Variants in PIAS2 observed in about 807,000 individuals in gnomAD.
The protein encoded by PIAS2 is protein inhibitor of activated STAT 2.
In PIAS2, 19 loss-of-function variants were observed where a neutral mutation model predicts 69.7. That is an observed-to-expected ratio of 0.27 (90% CI 0.19 to 0.40). The LOEUF (loss-of-function observed/expected upper bound fraction) is 0.40. Ranked by LOEUF, PIAS2 falls within the 10% of genes least tolerant of loss-of-function variation. The pLI, the probability that PIAS2 is intolerant of heterozygous loss-of-function variation, is 1.00. For missense variants in PIAS2, 624 were observed against 757.0 expected (o/e 0.82, Z 2.06); for synonymous variants, 261 against 263.2 (o/e 0.99, Z 0.08).
intron 2 of PIAS2, among the ~76,000 whole-genome samples, chr18:46,885,505 T>C (rs1294945541): frequency 6.8e-6 from 1 of 148,020 alleles, no homozygotes; most frequent in African/African-American, 2.5e-5. Flanking sequence ...CTGGTGACAG[T>C]GCAAGACTCC....
At position 46,810,231 on chromosome 18, in the gene PIAS2, G is replaced by C. The variant is rs754660532; in HGVS notation, c.*2202C>G. The stretch of plus-strand genomic sequence containing the variant: ...CAAATCACAATTATAAAAGCACAGA[G>C]ATATCAGTTATAAGAACCAAGTAAA... On this transcript the variant is annotated 3_prime_UTR_variant, in exon 14 of 14. Transcript: ENST00000585916. 2.0e-4 allele frequency: 30 copies of C among 151,404 alleles called. No individual in the cohort carries two copies. The highest frequency in any genetic ancestry group is 3.5e-4 in the Non-Finnish European group (24 of 67,910). 9.4% of individuals were successfully genotyped at this position (151,404 alleles called of 1,614,324 possible).
At chr18:46,879,213 G>A (rs912341212) in intron 2 of PIAS2, among the ~76,000 whole-genome samples, 2 of 152,074 alleles carry the variant, frequency 1.3e-5, no homozygotes, top group South Asian at 2.1e-4. Flanking sequence ...AAACTCAACA[G>A]CTAAAAACAA....
In PIAS2 at chr18:46,890,829, T is replaced by G; in HGVS notation, c.250A>C (p.Ser84Arg). The change falls in exon 2 of 14, where the codon AGT becomes CGT. Residue 84 changes from serine to arginine, a missense_variant. Coordinates refer to ENST00000585916, the MANE Select transcript of PIAS2 (RefSeq NM_004671.5). ...ACAGGTGATGAGCCACCATCCAAAC[T>G]GAAAACCGATGATTTGATTGTGGAT... ...DLSTIKSSVFSLDGGSSPVEP... is the reference protein window; with the variant it reads ...DLSTIKSSVFRLDGGSSPVEP... 6.2e-7 allele frequency: 1 copy of G among 1,614,160 alleles called. No homozygotes were observed. Among genetic ancestry groups the G allele is most frequent in the Non-Finnish European group, 8.5e-7 (1 of 1,180,034 alleles).
intron 1 of PIAS2, among the ~76,000 whole-genome samples, chr18:46,902,508 C>T (rs966705712): frequency 2.0e-5 from 3 of 151,692 alleles, no homozygotes; most frequent in South Asian, 4.2e-4. Context: ...TGCAGCGAGC[C>T]GAGATCGTGC....
chr18:46,893,258 G>C (rs2054337699), intron 1 of PIAS2, among the ~76,000 whole-genome samples: 1 of 152,176 alleles, frequency 6.6e-6, no homozygotes, highest in African/African-American at 2.4e-5. Flanking sequence ...TACTTCAATT[G>C]ATTGTGGAAC....
intron 9 of PIAS2, among the ~76,000 whole-genome samples, chr18:46,835,350 A>G (rs1346965881): frequency 6.6e-6 from 1 of 152,218 alleles, no homozygotes; most frequent in Non-Finnish European, 1.5e-5. Context: ...AAATTTTTTC[A>G]AAATAAGCTA....
intron 11 of PIAS2, among the ~76,000 whole-genome samples, chr18:46,822,610 G>T (rs1260399642): frequency 6.6e-6 from 1 of 152,138 alleles, no homozygotes; most frequent in Non-Finnish European, 1.5e-5. Context: ...AAGTTATATT[G>T]TATCTAAAGC....
chr18:46,854,004 G>C (rs2047370264), intron 5 of PIAS2: 1 of 152,336 alleles, frequency 6.6e-6, no homozygotes. Context: ...CTTTCAAAAA[G>C]AGTCACGTCA....
Position 46,829,752 on chromosome 18 carries a change from GT to G in PIAS2, c.1317del (p.Gln439HisfsTer6). On this transcript the variant is annotated frameshift_variant, in exon 10 of 14. Transcript: ENST00000585916. LOFTEE classifies it high-confidence loss of function. ...CACATACTTTCTATTTTTGTACACGGTTGGCTGGATACTTTCATAGCTTCTT... is the reference window on the plus strand; with the variant it reads ...CACATACTTTCTATTTTTGTACACGGTGGCTGGATACTTTCATAGCTTCTT... ...PKKEAMKVSS[Q>X]PCTKIESSSV... 6.2e-7 allele frequency: 1 copy of G among 1,613,246 alleles called. No homozygotes were observed. The highest frequency in any genetic ancestry group is 8.5e-7 in the Non-Finnish European group (1 of 1,179,620).
At chr18:46,912,276 T>C (rs946409278) in intron 1 of PIAS2, among the ~76,000 whole-genome samples, 4 of 152,208 alleles carry the variant, frequency 2.6e-5, no homozygotes, top group Admixed American at 6.5e-5. Flanking sequence ...TTACATGAAA[T>C]GGCATAGTAT....
At position 46,810,304 on chromosome 18, in the gene PIAS2, G is replaced by C. The variant is rs1458818772; in HGVS notation, c.*2129C>G. The C allele has an allele frequency of 6.6e-6, 1 of 152,174 alleles. No homozygotes were observed. Among genetic ancestry groups the C allele is most frequent in the African/African-American group, 2.4e-5 (1 of 41,538 alleles). The allele number at this position is 152,174 out of a possible 1,614,324, so 9.4% of individuals were successfully genotyped here. On this transcript the variant is annotated 3_prime_UTR_variant, in exon 14 of 14. Coordinates refer to ENST00000585916, the MANE Select transcript of PIAS2 (RefSeq NM_004671.5). ...TTCATTTACTTTATAAAACTTTGTT[G>C]ATTAAATTGGGGGAGTCTCTGACAA...
chr18:46,910,726 ATCT>A (rs1159558463), intron 1 of PIAS2, among the ~76,000 whole-genome samples: 1 of 152,234 alleles, frequency 6.6e-6, no homozygotes, highest in Non-Finnish European at 1.5e-5. Flanking sequence ...GTAGATTACA[ATCT>A]TCTACAGGAG....
intron 12 of PIAS2, chr18:46,817,331 A>C: frequency 1.0e-6 from 1 of 980,576 alleles, no homozygotes; most frequent in South Asian, 4.7e-5. Context: ...CAACTATTTC[A>C]ATTTCAGAAT....
chr18:46,855,103 TAAAAA>T (rs59957336), intron 5 of PIAS2, among the ~76,000 whole-genome samples: 6 of 76,348 alleles, frequency 7.9e-5, no homozygotes, highest in South Asian at 5.7e-4. Flanking sequence ...CTTGTCTCTT[TAAAAA>T]AAAAAAAAAA....
intron 11 of PIAS2, chr18:46,827,533 A>G (rs2042996254): frequency 6.4e-6 from 1 of 155,410 alleles, no homozygotes; most frequent in African/African-American, 2.4e-5. Flanking sequence ...TCCATTTAAC[A>G]GAACACAAAA....
chr18:46,850,022 A>G (rs2046730317), intron 5 of PIAS2, among the ~76,000 whole-genome samples: 1 of 152,160 alleles, frequency 6.6e-6, no homozygotes, highest in South Asian at 2.1e-4. Flanking sequence ...AAAATCACCT[A>G]ACACCTTGTC....
At chr18:46,859,323 G>C (rs1485067033) in intron 3 of PIAS2, among the ~76,000 whole-genome samples, 1 of 150,952 alleles carries the variant, frequency 6.6e-6, no homozygotes, top group Non-Finnish European at 1.5e-5. Context: ...AGCTACTCAG[G>C]AGGCTGCGGC....
chr18:46,876,466 C>A (rs947995954), intron 2 of PIAS2, among the ~76,000 whole-genome samples: 1 of 152,146 alleles, frequency 6.6e-6, no homozygotes, highest in Non-Finnish European at 1.5e-5. Flanking sequence ...AGTAAAGGAA[C>A]AGCTAAACAA....
intron 1 of PIAS2, among the ~76,000 whole-genome samples, chr18:46,893,165 G>C (rs1392585431): frequency 6.6e-6 from 1 of 152,192 alleles, no homozygotes; most frequent in African/African-American, 2.4e-5. Context: ...AACATCTCAT[G>C]CATTAAACAG....
Sources: gnomAD v4.1 joint callset for allele counts (sites outside exome capture counted in the v4.1 genomes callset) on GRCh38, gnomAD v4.1.1 for gene constraint, MANE v1.5 for transcripts, NCBI Gene and HGNC (gene_info 2026-07-23, HGNC 2026-07-21) for gene names.